Variants in SLC1A1 observed in about 807,000 individuals in gnomAD.
SLC1A1 encodes solute carrier family 1 member 1, also known as excitatory amino acid transporter 3.
A neutral mutation model predicts 53.3 loss-of-function variants in SLC1A1; 43 were observed. That is an observed-to-expected ratio of 0.81 (90% CI 0.63 to 1.04). SLC1A1 has a LOEUF of 1.04. Among genes scored for constraint, SLC1A1 ranks in the 50% least tolerant of loss-of-function variants. The probability of loss-of-function intolerance (pLI) is 0.00; values close to 1 mark genes in which losing one functional copy is unlikely to be tolerated. For missense variants in SLC1A1, 748 were observed against 664.9 expected (o/e 1.12, Z -1.37); for synonymous variants, 307 against 243.2 (o/e 1.26, Z -2.44).
chr9:4,540,505 C>T (rs1048029328), intron 1 of SLC1A1, among the ~76,000 whole-genome samples: 6 of 152,174 alleles, frequency 3.9e-5, no homozygotes, highest in East Asian at 3.9e-4. Context: ...GCTAAAAGAG[C>T]GCTGACTAAA....
chr9:4,517,773 C>A (rs1815909246), intron 1 of SLC1A1, among the ~76,000 whole-genome samples: 1 of 152,134 alleles, frequency 6.6e-6, no homozygotes, highest in African/African-American at 2.4e-5. Flanking sequence ...CCACCATGGA[C>A]CCTCACTTTC....
At chr9:4,534,570 A>G (rs1297704993) in intron 1 of SLC1A1, among the ~76,000 whole-genome samples, 1 of 152,170 alleles carries the variant, frequency 6.6e-6, no homozygotes, top group Non-Finnish European at 1.5e-5. Context: ...GCAATAATTA[A>G]TAGCTTACCA....
chr9:4,550,731 C>T (rs10739064), intron 2 of SLC1A1, among the ~76,000 whole-genome samples: 3 of 152,028 alleles, frequency 2.0e-5, no homozygotes, highest in Admixed American at 2.0e-4. Context: ...CCTTATAAAA[C>T]CTTAGGTATA....
intron 1 of SLC1A1, among the ~76,000 whole-genome samples, chr9:4,516,994 T>C (rs774755575): frequency 9.9e-5 from 15 of 152,188 alleles, no homozygotes; most frequent in Non-Finnish European, 1.8e-4. Context: ...CCAACAGAAC[T>C]GGATATCGAA....
At chr9:4,509,255 G>A (rs1459809979) in intron 1 of SLC1A1, among the ~76,000 whole-genome samples, 2 of 152,124 alleles carry the variant, frequency 1.3e-5, no homozygotes, top group African/African-American at 4.8e-5. Context: ...GGGATTGGGG[G>A]GTGAGAAGGA....
chr9:4,524,153 A>C (rs1816181309), intron 1 of SLC1A1, among the ~76,000 whole-genome samples: 1 of 152,230 alleles, frequency 6.6e-6, no homozygotes, highest in South Asian at 2.1e-4. Flanking sequence ...GAATACTTGG[A>C]AAAGCAATGA....
At chr9:4,542,563 A>C (rs964277328) in intron 1 of SLC1A1, among the ~76,000 whole-genome samples, 1 of 152,124 alleles carries the variant, frequency 6.6e-6, no homozygotes, top group Non-Finnish European at 1.5e-5. Flanking sequence ...ACACATCTTT[A>C]TTTTTTACAT....
At chr9:4,521,398 G>C (rs919023794) in intron 1 of SLC1A1, among the ~76,000 whole-genome samples, 2 of 152,126 alleles carry the variant, frequency 1.3e-5, no homozygotes, top group African/African-American at 4.8e-5. Context: ...TTACTGTTGA[G>C]GCCCTGCATT....
intron 1 of SLC1A1, among the ~76,000 whole-genome samples, chr9:4,533,053 C>A (rs1473262226): frequency 6.6e-6 from 1 of 152,148 alleles, no homozygotes; most frequent in African/African-American, 2.4e-5. Flanking sequence ...TACAAGAGCT[C>A]CTGAAAGAAG....
Position 4,573,962 on chromosome 9 carries a change from G to C in SLC1A1, c.823G>C (p.Asp275His). 2 of 1,614,044 alleles carry C rather than the reference G, an allele frequency of 1.2e-6. No homozygotes were observed. The highest frequency in any genetic ancestry group is 1.1e-5 in the South Asian group (1 of 91,056). The change falls in exon 8 of 12, where the codon GAC (aspartate) becomes CAC (histidine). Residue 275 changes from aspartate (D) to histidine (H), a missense_variant. Asp to His is a moderately conservative substitution (Grantham distance 81). Coordinates refer to ENST00000262352, the MANE Select transcript of SLC1A1 (RefSeq NM_004170.6). ...TGCTGGGAAGATCATAGAAGTTGAA[G>C]ACTGGGAAATATTCCGCAAGCTGGG... is the stretch of plus-strand genomic sequence containing the variant. ...LIAGKIIEVE[D>H]WEIFRKLGLY... is the part of the protein sequence containing the mutation.
At chr9:4,538,737 G>A (rs77071980) in intron 1 of SLC1A1, among the ~76,000 whole-genome samples, 7,078 of 152,324 alleles carry the variant, frequency 0.046, 193 homozygotes, top group Middle Eastern at 0.071. Flanking sequence ...GAATTCCCGT[G>A]AAGAGCCTGT....
At chr9:4,503,708 G>C (rs1158557340) in intron 1 of SLC1A1, among the ~76,000 whole-genome samples, 1 of 151,884 alleles carries the variant, frequency 6.6e-6, no homozygotes, top group East Asian at 1.9e-4. Flanking sequence ...GTGTTGCTGT[G>C]CTTTCGCACT....
At chr9:4,563,318 C>G (rs781575954) in intron 3 of SLC1A1, among the ~76,000 whole-genome samples, 2 of 151,990 alleles carry the variant, frequency 1.3e-5, no homozygotes, top group African/African-American at 2.4e-5. Flanking sequence ...TGAACTGTAC[C>G]ATAAAACAAA....
chr9:4,509,438 C>T (rs1420190765), intron 1 of SLC1A1, among the ~76,000 whole-genome samples: 1 of 151,842 alleles, frequency 6.6e-6, no homozygotes, highest in Admixed American at 6.6e-5. Context: ...TCATCTAGGC[C>T]TGAACAGACA....
At chr9:4,570,335 T>C (rs1281113697) in intron 6 of SLC1A1, among the ~76,000 whole-genome samples, 3 of 152,110 alleles carry the variant, frequency 2.0e-5, no homozygotes, top group African/African-American at 7.2e-5. Context: ...TGTTTGATCA[T>C]AAGTAAGAAA....
intron 2 of SLC1A1, among the ~76,000 whole-genome samples, chr9:4,555,639 G>A (rs1223410796): frequency 2.6e-5 from 4 of 152,192 alleles, no homozygotes; most frequent in African/African-American, 9.7e-5. Context: ...TTTTATCCCT[G>A]TTTCTAGGCC....
intron 1 of SLC1A1, among the ~76,000 whole-genome samples, chr9:4,535,169 A>C (rs952442285): frequency 6.6e-6 from 1 of 152,180 alleles, no homozygotes; most frequent in African/African-American, 2.4e-5. Flanking sequence ...GACCTCTCTC[A>C]CCACTCCTAT....
intron 1 of SLC1A1, among the ~76,000 whole-genome samples, chr9:4,523,213 T>G (rs1258917564): frequency 6.6e-6 from 1 of 152,132 alleles, no homozygotes; most frequent in Non-Finnish European, 1.5e-5. Flanking sequence ...GAGGGAAGGG[T>G]CTTACATCAT....
At chr9:4,542,144 T>C (rs1817068513) in intron 1 of SLC1A1, among the ~76,000 whole-genome samples, 1 of 151,380 alleles carries the variant, frequency 6.6e-6, no homozygotes, top group African/African-American at 2.4e-5. Context: ...TATTCTTCTT[T>C]TTAGAAAGGA....
Sources: gnomAD v4.1 joint callset for allele counts (sites outside exome capture counted in the v4.1 genomes callset) on GRCh38, gnomAD v4.1.1 for gene constraint, MANE v1.5 for transcripts, NCBI Gene and HGNC (gene_info 2026-07-23, HGNC 2026-07-21) for gene names.